Variants in PCDH15 observed in about 807,000 individuals in gnomAD.
PCDH15 encodes the protein protocadherin-15.
A neutral mutation model predicts 178.5 loss-of-function variants in PCDH15; 129 were observed. The observed-to-expected ratio is 0.72, with a 90% confidence interval of 0.63 to 0.84. The LOEUF is 0.84. PCDH15 is among the 40% of genes least tolerant of loss of function. The pLI is 0.00. For missense variants in PCDH15, 2,230 were observed against 2,099.9 expected (o/e 1.06, Z -1.21); for synonymous variants, 800 against 732.0 (o/e 1.09, Z -1.50).
intron 32 of PCDH15, chr10:53,822,639 C>CACTCAGCAGGAGAACTGATGACATTA: frequency 6.2e-7 from 1 of 1,614,066 alleles, no homozygotes; most frequent in Non-Finnish European, 8.5e-7. Flanking sequence ...TTCCAAGGAA[C>CACTCAGCAGGAGAACTGATGACATTA]ACTCAGCAGG....
intron 2 of PCDH15, among the ~76,000 whole-genome samples, chr10:55,470,347 A>G (rs1839929755): frequency 1.3e-5 from 2 of 152,100 alleles, no homozygotes; most frequent in South Asian, 4.2e-4. Flanking sequence ...ATCCCTCTCA[A>G]AAAAGAAAAA....
intron 3 of PCDH15, among the ~76,000 whole-genome samples, chr10:54,450,690 AT>A (rs1295859671): frequency 1.3e-5 from 2 of 151,778 alleles, no homozygotes; most frequent in East Asian, 3.9e-4. Context: ...CACAAAGGGA[AT>A]TTACTAGCTT....
At chr10:55,619,899 T>C (rs1843556763) in intron 2 of PCDH15, among the ~76,000 whole-genome samples, 1 of 152,086 alleles carries the variant, frequency 6.6e-6, no homozygotes, top group South Asian at 2.1e-4. Context: ...ATTTATTAAT[T>C]AAATTTTTGC....
intron 1 of PCDH15, among the ~76,000 whole-genome samples, chr10:55,308,024 C>T (rs1296851428): frequency 6.6e-6 from 1 of 152,066 alleles, no homozygotes; most frequent in Non-Finnish European, 1.5e-5. Context: ...AACATGCATT[C>T]CTATTAGTGC....
chr10:54,250,750 G>T lies in PCDH15; in HGVS notation c.877-13819C>A, dbSNP rs1355112939. ...GAAAACTAGTCACAAAATTCATGGA[G>T]ATAAACAAGATGGAATGCCAAACAA... is the stretch of plus-strand genomic sequence containing the variant. On this transcript the variant is annotated intron_variant, in intron 8 of 37. Transcript: ENST00000644397. Among the ~76,000 whole-genome samples the T allele has an allele frequency of 1.3e-5, 2 of 152,134 alleles. 1 individual carries two copies. Among genetic ancestry groups the T allele is most frequent in the Non-Finnish European group, 2.9e-5 (2 of 68,026 alleles).
intron 18 of PCDH15, among the ~76,000 whole-genome samples, chr10:54,057,587 A>AT (rs1055417393): frequency 2.7e-4 from 41 of 151,894 alleles, no homozygotes; most frequent in African/African-American, 8.9e-4. Flanking sequence ...CCAGGAAACC[A>AT]TTTTTTCCTC....
intron 1 of PCDH15, among the ~76,000 whole-genome samples, chr10:55,272,179 T>C (rs1457702929): frequency 6.6e-6 from 1 of 151,858 alleles, no homozygotes; most frequent in Non-Finnish European, 1.5e-5. Context: ...CTAAATGAAA[T>C]AATGTTTTGA....
intron 2 of PCDH15, among the ~76,000 whole-genome samples, chr10:54,920,951 A>C (rs1445395794): frequency 6.6e-6 from 1 of 152,210 alleles, no homozygotes; most frequent in Non-Finnish European, 1.5e-5. Context: ...GAATAATAAA[A>C]AAGTGCCTTA....
intron 2 of PCDH15, among the ~76,000 whole-genome samples, chr10:55,049,285 G>A (rs752658112): frequency 2.0e-5 from 3 of 151,840 alleles, no homozygotes; most frequent in Non-Finnish European, 4.4e-5. Context: ...GGGCCTATTT[G>A]TGTATGTCAC....
chr10:54,948,528 A>G (rs1838248844), intron 2 of PCDH15, among the ~76,000 whole-genome samples: 2 of 151,974 alleles, frequency 1.3e-5, no homozygotes, highest in South Asian at 4.1e-4. Context: ...CACTTACATC[A>G]ATAGACTGAG....
At chr10:55,220,854 GT>G (rs796218622) in intron 1 of PCDH15, among the ~76,000 whole-genome samples, 5 of 151,714 alleles carry the variant, frequency 3.3e-5, no homozygotes, top group Non-Finnish European at 7.4e-5. Flanking sequence ...TCCATTCAGT[GT>G]TTTTTTGTTT....
chr10:55,598,433 G>C (rs1008029282), intron 2 of PCDH15, among the ~76,000 whole-genome samples: 3 of 147,288 alleles, frequency 2.0e-5, no homozygotes, highest in African/African-American at 7.5e-5. Flanking sequence ...TAGAGGAGCC[G>C]GTTCTATAAT....
chr10:54,443,368 T>G (rs1376085910), intron 3 of PCDH15, among the ~76,000 whole-genome samples: 2 of 149,628 alleles, frequency 1.3e-5, no homozygotes, highest in South Asian at 2.1e-4. Flanking sequence ...AAATGGGAAG[T>G]TTTTTTTCAT....
chr10:54,562,002 T>TTTTTTTTG, intron 2 of PCDH15, among the ~76,000 whole-genome samples: 1 of 138,238 alleles, frequency 7.2e-6, no homozygotes, highest in Non-Finnish European at 1.6e-5. Context: ...TTTTTTTTTT[T>TTTTTTTTG]TTTCCTGAGA....
rs1024193064 is a variant in PCDH15, at chr10:55,394,191, T to A, written c.-155-227540A>T. 3.3e-5 allele frequency among the ~76,000 whole-genome samples: 5 copies of A among 149,576 alleles called. No homozygotes were observed. In the South Asian group the frequency reaches 8.6e-4, roughly 26 times the overall value. ...TAGCCATGTTGACTTCTTTGGACAA[T>A]AGAATCAACCAGCTTCTACAACTAT... On this transcript the variant is annotated intron_variant, in intron 2 of 5. Transcript: ENST00000613346.
intron 7 of PCDH15, among the ~76,000 whole-genome samples, chr10:54,323,899 T>C (rs893752528): frequency 6.6e-6 from 1 of 152,164 alleles, no homozygotes; most frequent in Non-Finnish European, 1.5e-5. Flanking sequence ...CTTGTAAACA[T>C]TTTTTGTTTG....
chr10:54,179,227 A>G (rs1011956955), intron 13 of PCDH15, among the ~76,000 whole-genome samples: 5 of 143,930 alleles, frequency 3.5e-5, no homozygotes, highest in African/African-American at 1.2e-4. Context: ...ACCATGGAAT[A>G]CTATGCAGCC....
intron 2 of PCDH15, among the ~76,000 whole-genome samples, chr10:54,565,392 A>T (rs1590147596): frequency 6.6e-6 from 1 of 152,130 alleles, no homozygotes; most frequent in African/African-American, 2.4e-5. Flanking sequence ...CCAGACAAGT[A>T]TTTCTACCCA....
chr10:55,037,453 C>T (rs1401781037), intron 2 of PCDH15, among the ~76,000 whole-genome samples: 6 of 152,170 alleles, frequency 3.9e-5, no homozygotes, highest in South Asian at 2.1e-4. Flanking sequence ...AGGCTGGTCT[C>T]GAACTGCTGA....
Sources: gnomAD v4.1 joint callset for allele counts (sites outside exome capture counted in the v4.1 genomes callset) on GRCh38, gnomAD v4.1.1 for gene constraint, MANE v1.5 for transcripts, NCBI Gene and HGNC (gene_info 2026-07-23, HGNC 2026-07-21) for gene names.